The following BTBD9 variants were observed in gnomAD, a reference collection of about 807,000 sequenced individuals.
BTBD9 encodes BTB domain containing 9.
BTBD9 carries 49 observed loss-of-function variants against 64.3 expected under a neutral mutation model. The observed-to-expected ratio is 0.76, with a 90% CI of 0.61 to 0.97. The LOEUF is 0.97. Among genes scored for constraint, BTBD9 ranks in the 50% least tolerant of loss-of-function variants. The probability of loss-of-function intolerance (pLI) is 0.00; values close to 1 mark genes in which losing one functional copy is unlikely to be tolerated. For missense variants in BTBD9, 598 were observed against 762.1 expected (o/e 0.78, Z 2.53); for synonymous variants, 260 against 274.7 (o/e 0.95, Z 0.53).
At chr6:38,276,152 T>C (rs1761232497) in intron 8 of BTBD9, among the ~76,000 whole-genome samples, 1 of 152,298 alleles carries the variant, frequency 6.6e-6, no homozygotes, top group East Asian at 1.9e-4. Flanking sequence ...ATATCCACCA[T>C]GGAAAACTAT....
chr6:38,578,869 G>C (rs1463030909), intron 5 of BTBD9, among the ~76,000 whole-genome samples: 1 of 152,086 alleles, frequency 6.6e-6, no homozygotes, highest in Non-Finnish European at 1.5e-5. Context: ...CAGAAACGAT[G>C]ACAACCACTT....
chr6:38,618,967 C>T (rs976529407), intron 1 of BTBD9, among the ~76,000 whole-genome samples: 1 of 152,160 alleles, frequency 6.6e-6, no homozygotes, highest in Non-Finnish European at 1.5e-5. Context: ...AGACTCAGAT[C>T]ATGGGGACTG....
chr6:38,437,130 T>C (rs1768778896), intron 6 of BTBD9, among the ~76,000 whole-genome samples: 1 of 152,200 alleles, frequency 6.6e-6, no homozygotes, highest in Non-Finnish European at 1.5e-5. Context: ...GGAGTATGAA[T>C]ACATAAATAC....
chr6:38,502,874 G>C (rs1202713475), intron 6 of BTBD9, among the ~76,000 whole-genome samples: 3 of 152,176 alleles, frequency 2.0e-5, no homozygotes, highest in African/African-American at 7.2e-5. Flanking sequence ...ATCATGAAGA[G>C]AGGATAAATA....
chr6:38,474,563 G>C (rs1770796074), intron 6 of BTBD9, among the ~76,000 whole-genome samples: 1 of 148,980 alleles, frequency 6.7e-6, no homozygotes, highest in Non-Finnish European at 1.5e-5. Context: ...GAAGAGAAGA[G>C]AAGAGAAAAG....
At chr6:38,260,967 T>G (rs1243957079) in intron 8 of BTBD9, among the ~76,000 whole-genome samples, 1 of 152,216 alleles carries the variant, frequency 6.6e-6, no homozygotes, top group Non-Finnish European at 1.5e-5. Flanking sequence ...AAACAGGGTT[T>G]TGCTTTGTTG....
intron 6 of BTBD9, among the ~76,000 whole-genome samples, chr6:38,440,426 A>T (rs942354813): frequency 9.2e-5 from 14 of 152,186 alleles, no homozygotes; most frequent in Non-Finnish European, 1.5e-5. Context: ...AAGCAAGACA[A>T]GGACTCGGAA....
intron 6 of BTBD9, among the ~76,000 whole-genome samples, chr6:38,541,455 C>T (rs528928829): frequency 6.6e-6 from 1 of 152,220 alleles, no homozygotes; most frequent in African/African-American, 2.4e-5. Flanking sequence ...AATTTTCATT[C>T]TGGCCAGGCG....
intron 6 of BTBD9, among the ~76,000 whole-genome samples, chr6:38,576,558 C>G (rs1776042989): frequency 6.6e-6 from 1 of 152,130 alleles, no homozygotes; most frequent in Admixed American, 6.5e-5. Context: ...ATAAGTTTCA[C>G]AAGTATAAGA....
rs552791674 is a variant in BTBD9, at chr6:38,447,482, T to G, written c.1155-102389A>C. 3.3e-5 allele frequency among the ~76,000 whole-genome samples: 5 copies of G among 152,330 alleles called. No homozygotes were observed. The South Asian group carries it at 8.3e-4, about 25-fold the overall frequency. ...TTCATGTAAAGCGCACTGACATCCT[T>G]ATTCTAGAAGAAAAACACCAGCAGG... On this transcript the variant is annotated intron_variant, in intron 6 of 10. Coordinates refer to ENST00000481247, the MANE Select transcript of BTBD9 (RefSeq NM_001099272.2).
rs1249344445 is a variant in BTBD9 at position 38,184,600 on chromosome 6, GC to G, written c.1641+7918del. Among the ~76,000 whole-genome samples, 1 of 152,070 alleles carries G rather than the reference GC, an allele frequency of 6.6e-6. No homozygotes were observed. Among genetic ancestry groups the G allele is most frequent in the Non-Finnish European group, 1.5e-5 (1 of 68,010 alleles). On this transcript the variant is annotated intron_variant, in intron 10 of 10. Coordinates refer to ENST00000481247, the MANE Select transcript of BTBD9 (RefSeq NM_001099272.2). This position sits in a 1 kb window ranked among gnomAD's most constrained non-coding sequence, Gnocchi z 4.4. ...CAGAGAGCGCCCACTGGGGGTTCTG[GC>G]CCTGGGGCCAGCATGTGACTGCTTT... is the stretch of plus-strand genomic sequence containing the variant.
intron 9 of BTBD9, among the ~76,000 whole-genome samples, chr6:38,214,987 A>C (rs1286964018): frequency 1.3e-5 from 2 of 152,228 alleles, no homozygotes; most frequent in East Asian, 3.8e-4. Flanking sequence ...GCACACGGAA[A>C]TCTCTCGCAA....
intron 8 of BTBD9, among the ~76,000 whole-genome samples, chr6:38,260,626 T>C (rs1468085893): frequency 6.6e-6 from 1 of 152,252 alleles, no homozygotes; most frequent in Admixed American, 6.5e-5. Flanking sequence ...TTTTAAGTTG[T>C]ATATATCATG....
intron 6 of BTBD9, among the ~76,000 whole-genome samples, chr6:38,354,917 A>G (rs562477280): frequency 1.9e-4 from 29 of 148,724 alleles, no homozygotes; most frequent in African/African-American, 6.4e-4. Flanking sequence ...GACAGAGAGA[A>G]AGAGAGAGAG....
rs571319745 is a variant in BTBD9 at position 38,431,809 on chromosome 6, A to G, written c.1155-86716T>C. ...ATCCCCATTGCAGCAAGAGTGAAAC[A>G]CTTTTTTAGTTTTTAAAAAGCTGTT... On this transcript the variant is annotated intron_variant, in intron 6 of 10. Transcript: ENST00000481247. 2.6e-5 allele frequency among the ~76,000 whole-genome samples: 4 copies of G among 152,090 alleles called. 1 individual carries two copies. Among genetic ancestry groups the G allele is most frequent in the African/African-American group, 4.8e-5 (2 of 41,360 alleles).
chr6:38,593,776 A>T (rs908101072), intron 3 of BTBD9, among the ~76,000 whole-genome samples, 188 bp downstream of exon 3: 3 of 152,106 alleles, frequency 2.0e-5, no homozygotes, highest in Non-Finnish European at 2.9e-5. Context: ...AACACAACCA[A>T]CCAGCCCCTC....
intron 6 of BTBD9, among the ~76,000 whole-genome samples, chr6:38,568,202 T>C (rs1405268403): frequency 6.6e-6 from 1 of 152,234 alleles, no homozygotes; most frequent in Non-Finnish European, 1.5e-5. Flanking sequence ...AATTATTAAC[T>C]ACTCAACAAT....
chr6:38,392,447 C>A (rs1280601425), intron 6 of BTBD9, among the ~76,000 whole-genome samples: 2 of 152,258 alleles, frequency 1.3e-5, no homozygotes, highest in South Asian at 2.1e-4. Context: ...AGAGACACAG[C>A]AACTCCTTTT....
At chr6:38,320,309 G>A (rs1763185687) in intron 7 of BTBD9, among the ~76,000 whole-genome samples, 1 of 152,178 alleles carries the variant, frequency 6.6e-6, no homozygotes, top group Non-Finnish European at 1.5e-5. Flanking sequence ...TTCCTGGGGG[G>A]AGGATGACCA....
Sources: allele counts gnomAD v4.1 joint callset (sites outside exome capture counted in the v4.1 genomes callset), GRCh38; gene constraint gnomAD v4.1.1; non-coding constraint Gnocchi (gnomAD v3.1); transcripts MANE v1.5; gene names NCBI Gene and HGNC (gene_info 2026-07-23, HGNC 2026-07-21).